The following MARCHF1 variants were observed in gnomAD, a reference collection of about 807,000 sequenced individuals.
MARCHF1 encodes E3 ubiquitin-protein ligase MARCHF1.
Under a neutral mutation model 54.2 loss-of-function variants are expected in MARCHF1, and 40 were observed. The observed-to-expected ratio is 0.74, with a 90% CI of 0.57 to 0.96. MARCHF1 has a LOEUF of 0.96. Among genes scored for constraint, MARCHF1 ranks in the 40% least tolerant of loss-of-function variants. The pLI is 0.00. For synonymous variants in MARCHF1, 236 were observed against 236.3 expected (o/e 1.00, Z 0.01); for missense variants, 586 against 656.5 (o/e 0.89, Z 1.17).
At chr4:163,667,892 G>T (rs1274974634) in intron 5 of MARCHF1, among the ~76,000 whole-genome samples, 2 of 152,082 alleles carry the variant, frequency 1.3e-5, no homozygotes, top group Non-Finnish European at 2.9e-5. Context: ...CTCCCAAAGT[G>T]CTGGGATTAC....
At chr4:164,383,023 G>T (rs754800969) in intron 1 of MARCHF1, among the ~76,000 whole-genome samples, 1 of 152,158 alleles carries the variant, frequency 6.6e-6, no homozygotes, top group Non-Finnish European at 1.5e-5. Context: ...CAAAATCAGC[G>T]CTTCAGAAAC....
rs370759722 is a variant in MARCHF1 at position 164,273,610 on chromosome 4, G to A, written c.-323+110260C>T. On this transcript the variant is annotated intron_variant, in intron 1 of 9. Coordinates refer to ENST00000514618, the MANE Select transcript of MARCHF1 (RefSeq NM_001394959.1). ...CAGTTGTTTAGTTACAAGATAGAAC[G>A]TGGCCTTGTAAGAAAGCAAATTAAC... 6.6e-5 allele frequency among the ~76,000 whole-genome samples: 10 copies of A among 152,180 alleles called. No individual in the cohort carries two copies. The East Asian group carries it at 1.2e-3, about 18-fold the overall frequency.
At chr4:164,198,278 C>T (rs1731338119) in intron 1 of MARCHF1, among the ~76,000 whole-genome samples, 1 of 152,146 alleles carries the variant, frequency 6.6e-6, no homozygotes, top group Non-Finnish European at 1.5e-5. Context: ...TTCTGACTCA[C>T]AATGTGATCT....
chr4:163,655,689 AAATC>A (rs973251180), intron 5 of MARCHF1, among the ~76,000 whole-genome samples: 12 of 151,974 alleles, frequency 7.9e-5, no homozygotes, highest in African/African-American at 2.9e-4. Flanking sequence ...AGAAGAACTG[AAATC>A]ATAACAAACA....
intron 8 of MARCHF1, among the ~76,000 whole-genome samples, chr4:163,558,974 C>T (rs907306180): frequency 1.3e-5 from 2 of 152,186 alleles, no homozygotes; most frequent in Admixed American, 1.3e-4. Flanking sequence ...TTCACTTCCT[C>T]TCCTCTTATT....
intron 9 of MARCHF1, among the ~76,000 whole-genome samples, chr4:163,542,691 CA>C (rs1738759388): frequency 6.6e-6 from 1 of 152,186 alleles, no homozygotes; most frequent in Non-Finnish European, 1.5e-5. Context: ...TTCTTCAGTA[CA>C]AACTGCTGGC....
chr4:163,900,821 C>CA (rs1750923928), intron 3 of MARCHF1, among the ~76,000 whole-genome samples: 2 of 151,342 alleles, frequency 1.3e-5, no homozygotes, highest in South Asian at 4.2e-4. Flanking sequence ...ACAGTACTTT[C>CA]AAAAAAAGGT....
At chr4:163,849,807 G>C (rs1335640363) in intron 4 of MARCHF1, among the ~76,000 whole-genome samples, 1 of 152,030 alleles carries the variant, frequency 6.6e-6, no homozygotes, top group East Asian at 1.9e-4. Flanking sequence ...CTGTATCAGA[G>C]TGACTGGTGA....
intron 1 of MARCHF1, among the ~76,000 whole-genome samples, chr4:164,343,919 A>G (rs1220193605): frequency 3.9e-5 from 6 of 152,194 alleles, no homozygotes; most frequent in Non-Finnish European, 8.8e-5. Flanking sequence ...AAAGACACAT[A>G]CACACATATC....
chr4:164,159,441 C>T (rs922654233), intron 1 of MARCHF1, among the ~76,000 whole-genome samples: 2 of 152,026 alleles, frequency 1.3e-5, no homozygotes, highest in East Asian at 3.9e-4. Flanking sequence ...ATGTTTCTCT[C>T]CTTTTTAATA....
At chr4:163,561,101 A>T (rs1739452451) in intron 8 of MARCHF1, among the ~76,000 whole-genome samples, 2 of 152,198 alleles carry the variant, frequency 1.3e-5, no homozygotes, top group South Asian at 4.1e-4. Flanking sequence ...TTATACTAAC[A>T]TGCTTCAATG....
intron 3 of MARCHF1, among the ~76,000 whole-genome samples, chr4:163,890,914 A>G (rs951336193): frequency 4.0e-5 from 6 of 151,832 alleles, no homozygotes; most frequent in Non-Finnish European, 7.4e-5. Context: ...GTTTCCTAGT[A>G]TAAAAAACTA....
chr4:163,636,382 G>A (rs1307376412), intron 5 of MARCHF1, among the ~76,000 whole-genome samples: 6 of 143,624 alleles, frequency 4.2e-5, no homozygotes, highest in Non-Finnish European at 9.2e-5. Context: ...AAGCTGATAA[G>A]CAACTTCAGC....
chr4:164,025,335 G>T (rs11945181), intron 2 of MARCHF1, among the ~76,000 whole-genome samples: 85,996 of 151,816 alleles, frequency 0.57, 25,794 homozygotes, highest in South Asian at 0.7. Flanking sequence ...GACCAAATGT[G>T]GCTCATAAAG....
At chr4:163,684,683 G>A (rs909076128) in intron 5 of MARCHF1, among the ~76,000 whole-genome samples, 1 of 152,162 alleles carries the variant, frequency 6.6e-6, no homozygotes, top group African/African-American at 2.4e-5. Context: ...CCCATATCCA[G>A]TTTATTTTAT....
In MARCHF1 at chr4:164,107,817, CAA is replaced by C. The variant is rs11289660; in HGVS notation, c.-248+3769_-248+3770del. The stretch of plus-strand genomic sequence containing the variant: ...TTTTACTATCAAAATGTCGATAATA[CAA>C]AAAAAAAGAGAATAGGTTTGAGATT... On this transcript the variant is annotated intron_variant, in intron 2 of 9. Transcript: ENST00000514618. Among the ~76,000 whole-genome samples the C allele has an allele frequency of 8.6e-5, 13 of 151,652 alleles. No homozygotes were observed. In the South Asian group the frequency reaches 1.2e-3, roughly 15 times the overall value.
At chr4:163,718,209 A>G (rs906782985) in intron 4 of MARCHF1, among the ~76,000 whole-genome samples, 1 of 152,218 alleles carries the variant, frequency 6.6e-6, no homozygotes, top group Non-Finnish European at 1.5e-5. Flanking sequence ...CCTAGAAGGA[A>G]ACCTAGGCAA....
intron 3 of MARCHF1, among the ~76,000 whole-genome samples, chr4:163,909,346 A>G (rs1009064624): frequency 6.6e-6 from 1 of 152,216 alleles, no homozygotes; most frequent in Non-Finnish European, 1.5e-5. Flanking sequence ...TTTCACATGT[A>G]TAAACATAAG....
At chr4:163,585,568 A>C (rs915424036) in intron 8 of MARCHF1, 181 bp downstream of exon 8, 16 of 436,624 alleles carry the variant, frequency 3.7e-5, no homozygotes, top group East Asian at 2.4e-4. Context: ...AAAACATAGA[A>C]GAAAGGAAGG....
Sources: allele counts gnomAD v4.1 joint callset (sites outside exome capture counted in the v4.1 genomes callset), GRCh38; gene constraint gnomAD v4.1.1; transcripts MANE v1.5; gene names NCBI Gene and HGNC (gene_info 2026-07-23, HGNC 2026-07-21).